Variants in TSHZ2 observed in about 807,000 individuals in gnomAD.
TSHZ2 encodes teashirt zinc finger homeobox 2.
In TSHZ2, 21 loss-of-function variants were observed where a neutral mutation model predicts 74.4. The ratio of observed to expected loss-of-function variants is 0.28; its 90% confidence interval spans 0.20 to 0.41. The LOEUF (loss-of-function observed/expected upper bound fraction) is 0.41, where lower values mean the gene tolerates loss of function less well. TSHZ2 is among the 10% of genes least tolerant of loss of function. The probability of loss-of-function intolerance (pLI) is 1.00; values close to 1 mark genes in which losing one functional copy is unlikely to be tolerated. For synonymous variants in TSHZ2, 540 were observed against 515.3 expected, an observed-to-expected ratio of 1.05 and a Z score of -0.65; for missense variants, 1,244 against 1,293.5, an observed-to-expected ratio of 0.96 and a Z score of 0.59.
chr20:53,169,038 G>C (rs1021521487), intron 1 of TSHZ2, among the ~76,000 whole-genome samples: 3 of 152,166 alleles, frequency 2.0e-5, no homozygotes, highest in African/African-American at 7.2e-5. Context: ...CAGAATTACA[G>C]ACTCCTCACG....
At chr20:53,209,534 G>C (rs376325706) in intron 1 of TSHZ2, among the ~76,000 whole-genome samples, 41 of 152,202 alleles carry the variant, frequency 2.7e-4, no homozygotes, top group East Asian at 1.5e-3. Flanking sequence ...TAGAGGTCTA[G>C]TTAAATGAAT....
chr20:52,981,775 G>A (rs6022196), intron 1 of TSHZ2, among the ~76,000 whole-genome samples: 36,087 of 152,112 alleles, frequency 0.24, 5,777 homozygotes, highest in African/African-American at 0.44. Context: ...ACCAACAACG[G>A]TAACAATGGT....
chr20:53,469,726 G>A (rs1235277928), intron 2 of TSHZ2, among the ~76,000 whole-genome samples: 4 of 67,758 alleles, frequency 5.9e-5, no homozygotes, highest in African/African-American at 2.1e-4. Context: ...GGGAGGAAGG[G>A]AGGGAGGAAG....
chr20:53,392,513 T>G (rs2145661570), intron 2 of TSHZ2, among the ~76,000 whole-genome samples: 1 of 152,316 alleles, frequency 6.6e-6, no homozygotes, highest in East Asian at 1.9e-4. Context: ...GATGTAATAT[T>G]AAGTCAGGAA....
intron 1 of TSHZ2, among the ~76,000 whole-genome samples, chr20:53,229,315 C>T (rs1244794916): frequency 2.0e-5 from 3 of 152,132 alleles, no homozygotes; most frequent in Admixed American, 6.5e-5. Flanking sequence ...TGCCCTGGGT[C>T]ACTTAGTACA....
chr20:53,208,603 T>C (rs542706728), intron 1 of TSHZ2: 11 of 152,162 alleles, frequency 7.2e-5, no homozygotes, highest in Admixed American at 5.9e-4. Flanking sequence ...TGTGAGGCGG[T>C]CTGTGTGTCA....
intron 1 of TSHZ2, among the ~76,000 whole-genome samples, chr20:53,005,737 T>A (rs1004355298): frequency 6.6e-6 from 1 of 152,188 alleles, no homozygotes; most frequent in Non-Finnish European, 1.5e-5. Flanking sequence ...AGCCCCTCTC[T>A]CCAAGTACTG....
At chr20:53,109,396 C>A (rs1258779668) in intron 1 of TSHZ2, among the ~76,000 whole-genome samples, 1 of 152,116 alleles carries the variant, frequency 6.6e-6, no homozygotes, top group East Asian at 1.9e-4. Context: ...CTCAATCCAC[C>A]CTATCTCTCT....
intron 2 of TSHZ2, among the ~76,000 whole-genome samples, chr20:53,331,017 C>T (rs1159872679): frequency 6.6e-6 from 1 of 152,120 alleles, no homozygotes; most frequent in African/African-American, 2.4e-5. Context: ...CTGAATTCAG[C>T]CTGCTGTGAA....
intron 1 of TSHZ2, among the ~76,000 whole-genome samples, chr20:52,997,797 G>T (rs1312950009): frequency 6.6e-6 from 1 of 152,194 alleles, no homozygotes; most frequent in Non-Finnish European, 1.5e-5. Context: ...TTTGCTCTGT[G>T]ATAACTGCAA....
chr20:53,035,967 TATTATTCACTTA>T (rs35071853), intron 1 of TSHZ2, among the ~76,000 whole-genome samples: 61,002 of 151,930 alleles, frequency 0.4, 14,017 homozygotes, highest in East Asian at 0.71. Context: ...AATATACACA[TATTATTCACTTA>T]AATATAAAAT....
At chr20:53,145,332 T>A (rs907151406) in intron 1 of TSHZ2, among the ~76,000 whole-genome samples, 6 of 152,322 alleles carry the variant, frequency 3.9e-5, no homozygotes, top group Middle Eastern at 6.8e-3. Flanking sequence ...AGACCCACTC[T>A]CTTTTCCTGC....
At chr20:53,315,315 A>G (rs1456644324) in intron 2 of TSHZ2, among the ~76,000 whole-genome samples, 1 of 152,228 alleles carries the variant, frequency 6.6e-6, no homozygotes, top group Non-Finnish European at 1.5e-5. Flanking sequence ...GAATAAAAAG[A>G]CAATCCACAC....
Position 53,328,346 on chromosome 20 carries a change from A to G in TSHZ2, c.*8+71775A>G, listed in dbSNP as rs532876198. Among the ~76,000 whole-genome samples the G allele has an allele frequency of 9.6e-4, 147 of 152,370 alleles. 1 individual carries two copies. Among genetic ancestry groups the G allele is most frequent in the South Asian group, 2.1e-3 (10 of 4,830 alleles). On this transcript the variant is annotated intron_variant, in intron 2 of 2. Coordinates refer to ENST00000371497, the MANE Select transcript of TSHZ2 (RefSeq NM_173485.6). The stretch of plus-strand genomic sequence containing the variant: ...GTACATGCAGCACTGTGCAAGCAGC[A>G]GGATATGTATAAATCCAACTCTGTT...
At chr20:53,100,816 G>A (rs1311378456) in intron 1 of TSHZ2, among the ~76,000 whole-genome samples, 1 of 152,160 alleles carries the variant, frequency 6.6e-6, no homozygotes, top group Non-Finnish European at 1.5e-5. Context: ...AAAGTAATTG[G>A]AACAGAAAGT....
chr20:53,189,238 C>T (rs965648865), intron 1 of TSHZ2, among the ~76,000 whole-genome samples: 1 of 152,104 alleles, frequency 6.6e-6, no homozygotes, highest in East Asian at 1.9e-4. Context: ...TTGGAAGGCC[C>T]GTTCTATTAA....
chr20:53,132,344 C>G (rs1033816328), intron 1 of TSHZ2, among the ~76,000 whole-genome samples: 4 of 149,112 alleles, frequency 2.7e-5, no homozygotes, highest in African/African-American at 1.0e-4. Flanking sequence ...TAGAGTCTCA[C>G]TCTGTCGCCC....
At chr20:53,438,338 G>A (rs773118265) in intron 2 of TSHZ2, among the ~76,000 whole-genome samples, 11 of 152,010 alleles carry the variant, frequency 7.2e-5, no homozygotes, top group Admixed American at 2.6e-4. Context: ...TCCAACTCCT[G>A]AGCTCAGGCA....
chr20:53,103,601 A>G (rs1986280058), intron 1 of TSHZ2, among the ~76,000 whole-genome samples: 1 of 152,214 alleles, frequency 6.6e-6, no homozygotes, highest in African/African-American at 2.4e-5. Context: ...AACATTTTTA[A>G]TAACAGAGAA....
Sources: gnomAD v4.1 joint callset for allele counts (sites outside exome capture counted in the v4.1 genomes callset) on GRCh38, gnomAD v4.1.1 for gene constraint, MANE v1.5 for transcripts, NCBI Gene and HGNC (gene_info 2026-07-23, HGNC 2026-07-21) for gene names.